The following GABRG1 variants were observed in gnomAD, a reference collection of about 807,000 sequenced individuals.
GABRG1 encodes gamma-aminobutyric acid receptor subunit gamma-1.
Under a neutral mutation model 49.8 loss-of-function variants are expected in GABRG1, and 49 were observed. That is an observed-to-expected ratio of 0.98 (90% confidence interval 0.78 to 1.25). The LOEUF (loss-of-function observed/expected upper bound fraction) is 1.25. Among genes scored for constraint, GABRG1 ranks in the 50% most tolerant of loss-of-function variants. The pLI is 0.00. For synonymous variants in GABRG1, 232 were observed against 185.1 expected, an observed-to-expected ratio of 1.25 and a Z score of -2.06; for missense variants, 552 against 552.3, an observed-to-expected ratio of 1.00 and a Z score of 0.01.
intron 8 of GABRG1, among the ~76,000 whole-genome samples, chr4:46,049,712 T>G (rs1718139586): frequency 6.6e-6 from 1 of 151,922 alleles, no homozygotes; most frequent in Non-Finnish European, 1.5e-5. Flanking sequence ...AGTTGATGAA[T>G]GATTGAATAA....
At position 46,039,361 on chromosome 4, in the gene GABRG1, A is replaced by C. The variant is rs1373319778; in HGVS notation, c.*1627T>G. On this transcript the variant is annotated 3_prime_UTR_variant, in exon 9 of 9. Transcript: ENST00000295452. Reference sequence around the variant, plus strand: ...TAGAGTTAGCTGGGAACACACAGTAAATTATAAATAAATTAATTAAAAATT... The same window carrying C: ...TAGAGTTAGCTGGGAACACACAGTACATTATAAATAAATTAATTAAAAATT... 6.6e-6 allele frequency: 1 copy of C among 151,688 alleles called. No homozygotes were observed. Among genetic ancestry groups the C allele is most frequent in the Non-Finnish European group, 1.5e-5 (1 of 67,754 alleles). 9.4% of individuals were successfully genotyped at this position (151,688 alleles called of 1,614,324 possible). A position where few individuals can be genotyped will look rare whatever the true frequency, so the allele number is the denominator to read the frequency against.
chr4:46,112,040 G>A (rs966433265), intron 1 of GABRG1, among the ~76,000 whole-genome samples: 42 of 151,116 alleles, frequency 2.8e-4, no homozygotes, highest in Middle Eastern at 3.4e-3. Flanking sequence ...CAACTGTCAA[G>A]GAGTAAACAG....
intron 7 of GABRG1, among the ~76,000 whole-genome samples, chr4:46,056,411 C>G (rs894827274): frequency 3.3e-5 from 5 of 151,978 alleles, no homozygotes; most frequent in Admixed American, 6.6e-5. Flanking sequence ...CAATATCCAC[C>G]AGGTTAGCAC....
chr4:46,043,062 T>C (rs1417362028), intron 8 of GABRG1, among the ~76,000 whole-genome samples: 1 of 151,990 alleles, frequency 6.6e-6, no homozygotes, highest in Admixed American at 6.6e-5. Context: ...GATACTTGAA[T>C]AGCATATGCT....
At chr4:46,104,157 TATG>T (rs747059184) in intron 1 of GABRG1, among the ~76,000 whole-genome samples, 2 of 151,500 alleles carry the variant, frequency 1.3e-5, no homozygotes, top group South Asian at 4.1e-4. Context: ...GTGAAATGAT[TATG>T]ATGATTCAAA....
intron 2 of GABRG1, among the ~76,000 whole-genome samples, chr4:46,087,004 T>C (rs1197001673): frequency 6.6e-6 from 1 of 151,792 alleles, no homozygotes; most frequent in Non-Finnish European, 1.5e-5. Context: ...TGTTTTTACC[T>C]GCAAATAATT....
chr4:46,051,594 T>C lies in GABRG1; in HGVS notation c.961A>G (p.Arg321Gly), dbSNP rs1312346834. 1 of 1,611,154 alleles carries C rather than the reference T, an allele frequency of 6.2e-7. No homozygotes were observed. The highest frequency in any genetic ancestry group is 1.3e-5 in the African/African-American group (1 of 74,750). The stretch of plus-strand genomic sequence containing the variant: ...TAAGAAACCTTAGGTAAAGACTTCC[T>C]GGCAATTGTACTCAGGGTTGTCATA... ...LTMTTLSTIA[R>G]KSLPKVSYVT... Residue 321 changes from arginine to glycine, a missense_variant, in exon 8 of 9, where the codon AGG becomes GGG. Transcript: ENST00000295452.
chr4:46,093,234 A>T (rs1486050502), intron 2 of GABRG1, among the ~76,000 whole-genome samples: 2 of 152,080 alleles, frequency 1.3e-5, no homozygotes, highest in African/African-American at 4.8e-5. Context: ...TCGCAAAGAA[A>T]ATTTGGTATA....
intron 2 of GABRG1, among the ~76,000 whole-genome samples, chr4:46,085,662 T>C (rs1719728871): frequency 1.3e-5 from 2 of 151,520 alleles, no homozygotes; most frequent in Non-Finnish European, 3.0e-5. Context: ...GCTGGTGATA[T>C]GCTTTAAAAT....
At position 46,038,766 on chromosome 4, in the gene GABRG1, C is replaced by T. The variant is rs1286690891; in HGVS notation, c.*2222G>A. The T allele has an allele frequency of 6.6e-6, 1 of 151,450 alleles. No homozygotes were observed. Among genetic ancestry groups the T allele is most frequent in the African/African-American group, 2.4e-5 (1 of 41,330 alleles). The allele number at this position is 151,450 out of a possible 1,614,324, so 9.4% of individuals were successfully genotyped here. On this transcript the variant is annotated 3_prime_UTR_variant, in exon 9 of 9. Coordinates refer to ENST00000295452, the MANE Select transcript of GABRG1 (RefSeq NM_173536.4). ...ATTTAAATAAAACTGATCAAAATACCACTTGCTTTGAAAACAAAGTGCTTG... is the reference window on the plus strand; with the variant it reads ...ATTTAAATAAAACTGATCAAAATACTACTTGCTTTGAAAACAAAGTGCTTG...
chr4:46,077,788 A>G (rs1719413767), intron 3 of GABRG1, among the ~76,000 whole-genome samples: 1 of 151,774 alleles, frequency 6.6e-6, no homozygotes, highest in Non-Finnish European at 1.5e-5. Flanking sequence ...TATATGACAG[A>G]CAAATAAAAC....
chr4:46,043,150 T>G (rs1425839684), intron 8 of GABRG1, among the ~76,000 whole-genome samples: 1 of 152,006 alleles, frequency 6.6e-6, no homozygotes, highest in Non-Finnish European at 1.5e-5. Context: ...AGAAAACACA[T>G]TCCATATATG....
chr4:46,050,711 C>T lies in GABRG1; in HGVS notation c.1131+713G>A, dbSNP rs969981538. ...ATCCAGGTCTGAGTCTTGGATCTTT[C>T]GCTTACTGAGGCTGTTCTTGTGTAA... On this transcript the variant is annotated intron_variant, in intron 8 of 8. Transcript: ENST00000295452. Among the ~76,000 whole-genome samples, 6 of 151,776 alleles carry T rather than the reference C, an allele frequency of 4.0e-5. No homozygotes were observed. In the South Asian group the frequency reaches 8.3e-4, roughly 21 times the overall value.
At chr4:46,112,643 G>T (rs1447511219) in intron 1 of GABRG1, among the ~76,000 whole-genome samples, 1 of 150,930 alleles carries the variant, frequency 6.6e-6, no homozygotes, top group Non-Finnish European at 1.5e-5. Context: ...ACACTACATA[G>T]CCATAAAAAA....
intron 4 of GABRG1, 89 bp downstream of exon 4, chr4:46,065,275 C>T: frequency 4.2e-6 from 4 of 944,814 alleles, no homozygotes; most frequent in Non-Finnish European, 6.1e-6. Context: ...TTTGGTTTTG[C>T]AACTTTGAGA....
intron 1 of GABRG1, among the ~76,000 whole-genome samples, chr4:46,121,856 T>G (rs1032532957): frequency 2.0e-5 from 3 of 152,080 alleles, no homozygotes; most frequent in African/African-American, 7.2e-5. Flanking sequence ...ATAAAAATTA[T>G]GTGTTAACTG....
At chr4:46,089,536 G>T (rs1363498447) in intron 2 of GABRG1, among the ~76,000 whole-genome samples, 2 of 152,046 alleles carry the variant, frequency 1.3e-5, no homozygotes, top group Non-Finnish European at 2.9e-5. Flanking sequence ...TCACCCTAGT[G>T]GTGCTTGTCT....
chr4:46,100,707 G>GAA (rs33924854), intron 1 of GABRG1, among the ~76,000 whole-genome samples: 50,670 of 126,624 alleles, frequency 0.4, 10,505 homozygotes, highest in East Asian at 0.51. Flanking sequence ...GAAGATTTTA[G>GAA]AAAAAAAAAA....
At chr4:46,103,701 A>T (rs1720453226) in intron 1 of GABRG1, among the ~76,000 whole-genome samples, 1 of 151,348 alleles carries the variant, frequency 6.6e-6, no homozygotes, top group Non-Finnish European at 1.5e-5. Context: ...TATTCTTGTC[A>T]TTTGAATGTC....
Sources: allele counts gnomAD v4.1 joint callset (sites outside exome capture counted in the v4.1 genomes callset), GRCh38; gene constraint gnomAD v4.1.1; transcripts MANE v1.5; gene names NCBI Gene and HGNC (gene_info 2026-07-23, HGNC 2026-07-21).